Variants in PCDHA10 observed in about 807,000 individuals in gnomAD.
The protein encoded by PCDHA10 is protocadherin alpha-10.
A neutral mutation model predicts 61.2 loss-of-function variants in PCDHA10; 45 were observed. The ratio of observed to expected loss-of-function variants is 0.74; its 90% CI spans 0.58 to 0.94. The LOEUF (loss-of-function observed/expected upper bound fraction) is 0.94. PCDHA10 is among the 40% of genes least tolerant of loss of function. The probability of loss-of-function intolerance (pLI) is 0.00; values close to 1 mark genes in which losing one functional copy is unlikely to be tolerated. For synonymous variants in PCDHA10, 602 were observed against 548.8 expected, an observed-to-expected ratio of 1.10 and a Z score of -1.35; for missense variants, 1,278 against 1,236.2, an observed-to-expected ratio of 1.03 and a Z score of -0.51.
chr5:140,968,869 C>T, intron 1 of PCDHA10: 1 of 1,614,210 alleles, frequency 6.2e-7, no homozygotes, highest in Non-Finnish European at 8.5e-7. Flanking sequence ...CTCGGACATA[C>T]TCTGAAATTA....
rs782723934 is a variant in PCDHA10, at chr5:140,857,452, G to A, written c.1404G>A (p.Pro468=). The A allele has an allele frequency of 4.4e-6, 7 of 1,598,446 alleles. 1 individual carries two copies. The highest frequency in any genetic ancestry group is 4.3e-6 in the Non-Finnish European group (5 of 1,167,904). ...CGGTGTTCGTGAAGGAGAACAACCC[G>A]CCAGGCTGCCACATCTTCACGGTGT... ...EYTVFVKENN[P]PGCHIFTVSA... Residue 468 remains proline (P), a synonymous_variant, in exon 1 of 4, where the codon CCG becomes CCA. Coordinates refer to ENST00000307360, the MANE Select transcript of PCDHA10 (RefSeq NM_018901.4).
intron 3 of PCDHA10, among the ~76,000 whole-genome samples, chr5:140,986,055 T>C (rs2097185833): frequency 6.6e-6 from 1 of 152,164 alleles, no homozygotes; most frequent in African/African-American, 2.4e-5. Context: ...ATGAATTCTT[T>C]TGCTTTTTAA....
At chr5:140,968,322 C>T (rs782755782) in intron 1 of PCDHA10, 9 of 1,614,122 alleles carry the variant, frequency 5.6e-6, no homozygotes, top group Non-Finnish European at 6.8e-6. Context: ...CTGCCAGTCA[C>T]CTCCTATGTC....
In PCDHA10 at chr5:140,856,778, C is replaced by T. The variant is rs782280474; in HGVS notation, c.730C>T (p.Pro244Ser). 1.3e-6 allele frequency: 2 copies of T among 1,596,260 alleles called. No individual in the cohort carries two copies. The highest frequency in any genetic ancestry group is 3.4e-5 in the Admixed American group (2 of 59,116). Reference sequence around the variant, plus strand: ...TGATAACGCCCCTATCTTTGACAGACCGGTTTATGAAGTTAAGATGTATGA... The same window carrying T: ...TGATAACGCCCCTATCTTTGACAGATCGGTTTATGAAGTTAAGATGTATGA... ...ANDNAPIFDR[P>S]VYEVKMYENQ... Residue 244 changes from proline to serine, a missense_variant, in exon 1 of 4, where the codon CCG (proline) becomes TCG (serine). Physicochemically the swap from Pro to Ser is moderately conservative, Grantham distance 74. Transcript: ENST00000307360.
At chr5:141,009,463 A>C in intron 3 of PCDHA10, 164 bp from the exon 4 acceptor site, 1 of 954,884 alleles carries the variant, frequency 1.0e-6, no homozygotes, top group Non-Finnish European at 1.2e-6. Context: ...AAACAAATAA[A>C]TAAATAAGTA....
intron 1 of PCDHA10, chr5:140,883,308 C>A: frequency 6.2e-7 from 1 of 1,614,102 alleles, no homozygotes; most frequent in Non-Finnish European, 8.5e-7. Context: ...AATGATAACG[C>A]CCCAGAGGTT....
chr5:140,955,987 A>G (rs1185683030), intron 1 of PCDHA10, among the ~76,000 whole-genome samples: 3 of 152,198 alleles, frequency 2.0e-5, no homozygotes, highest in African/African-American at 7.2e-5. Flanking sequence ...CAATTTTTGC[A>G]CATTGATTTT....
rs1310366696 is a variant in PCDHA10 at position 140,890,210 on chromosome 5, T to A, written c.2388+31774T>A. Among the ~76,000 whole-genome samples the A allele has an allele frequency of 5.3e-5, 8 of 152,148 alleles. 1 individual carries two copies. Among genetic ancestry groups the A allele is most frequent in the Admixed American group, 3.3e-4 (5 of 15,270 alleles). On this transcript the variant is annotated intron_variant, in intron 1 of 3. Coordinates refer to ENST00000307360, the MANE Select transcript of PCDHA10 (RefSeq NM_018901.4). ...AACAGAGTTTTTTGTTTTTCTTTTT[T>A]CCCAGAGACCTAGTTGTTAAGCATT... is the stretch of plus-strand genomic sequence containing the variant.
intron 1 of PCDHA10, among the ~76,000 whole-genome samples, chr5:140,918,416 C>A (rs2078685021): frequency 6.6e-6 from 1 of 152,110 alleles, no homozygotes; most frequent in Non-Finnish European, 1.5e-5. Flanking sequence ...GCCAGGACTT[C>A]CAGTAGGATG....
chr5:140,947,549 C>T (rs530708816), intron 1 of PCDHA10, among the ~76,000 whole-genome samples: 11 of 151,312 alleles, frequency 7.3e-5, no homozygotes, highest in Admixed American at 2.0e-4. Context: ...CAAAGAATTC[C>T]GCTGGGATTT....
intron 1 of PCDHA10, among the ~76,000 whole-genome samples, chr5:140,901,839 A>G (rs578262204): frequency 6.6e-6 from 1 of 152,226 alleles, no homozygotes; most frequent in Admixed American, 6.5e-5. Context: ...TAAACATGCA[A>G]TATCTTTCCA....
At chr5:140,872,661 TA>T (rs1211452464) in intron 1 of PCDHA10, among the ~76,000 whole-genome samples, 12 of 152,166 alleles carry the variant, frequency 7.9e-5, no homozygotes, top group African/African-American at 2.9e-4. Flanking sequence ...ATTTGTCAAC[TA>T]TTGGATACTC....
At chr5:140,916,399 C>G (rs1421171065) in intron 1 of PCDHA10, among the ~76,000 whole-genome samples, 2 of 152,168 alleles carry the variant, frequency 1.3e-5, no homozygotes, top group African/African-American at 4.8e-5. Context: ...TGTGCTGGAT[C>G]ACACCTGAAG....
rs2096146085 is a variant in PCDHA10 at position 140,967,476 on chromosome 5, G to T, written c.2389-11473G>T. ...GCCGTGGATGGGGGCATCCCAGCCC[G>T]CTCGGGTACGGCACAGATCTCTGTG... On this transcript the variant is annotated intron_variant, in intron 1 of 3. Transcript: ENST00000307360. The T allele has an allele frequency of 6.2e-7, 1 of 1,613,324 alleles. No individual in the cohort carries two copies. The highest frequency in any genetic ancestry group is 1.3e-5 in the African/African-American group (1 of 75,056).
chr5:141,009,174 G>A (rs1281128951), intron 3 of PCDHA10, among the ~76,000 whole-genome samples: 1 of 152,228 alleles, frequency 6.6e-6, no homozygotes, highest in African/African-American at 2.4e-5. Flanking sequence ...ACTGGCCTTG[G>A]CTGGGTGTGG....
chr5:140,869,091 A>C, intron 1 of PCDHA10: 1 of 1,591,040 alleles, frequency 6.3e-7, no homozygotes, highest in Non-Finnish European at 8.6e-7. Context: ...TTTGGAAGCC[A>C]ATTTCGTATG....
At chr5:140,870,564 G>C (rs782511789) in intron 1 of PCDHA10, 83 of 1,613,882 alleles carry the variant, frequency 5.1e-5, no homozygotes, top group Admixed American at 3.3e-4. Context: ...AGGAGAACGC[G>C]CTGGTGTCCT....
intron 1 of PCDHA10, chr5:140,883,195 T>G (rs781816525): frequency 6.2e-7 from 1 of 1,613,904 alleles, no homozygotes; most frequent in Non-Finnish European, 8.5e-7. Flanking sequence ...GCAAACTAGA[T>G]TTCGAAGAAA....
chr5:140,871,284 T>C (rs2052909297), intron 1 of PCDHA10: 1 of 1,613,778 alleles, frequency 6.2e-7, no homozygotes, highest in African/African-American at 1.3e-5. Flanking sequence ...CAACGCCCAC[T>C]GAGGGCGCGT....
Sources: allele counts gnomAD v4.1 joint callset (sites outside exome capture counted in the v4.1 genomes callset), GRCh38; gene constraint gnomAD v4.1.1; transcripts MANE v1.5; gene names NCBI Gene and HGNC (gene_info 2026-07-23, HGNC 2026-07-21).